CLPSL2: variants seen among roughly 807,000 people sequenced by gnomAD.
The protein encoded by CLPSL2 is colipase-like protein 2.
A neutral mutation model predicts 7.9 loss-of-function variants in CLPSL2; 4 were observed. The observed-to-expected ratio is 0.50, with a 90% CI of 0.25 to 1.15. CLPSL2 has a LOEUF of 1.15. CLPSL2 is among the 50% of genes most tolerant of loss of function. The pLI is 0.15. For missense variants in CLPSL2, 132 were observed against 136.6 expected, an observed-to-expected ratio of 0.97 and a Z score of 0.17; for synonymous variants, 67 against 53.1, an observed-to-expected ratio of 1.26 and a Z score of -1.14.
intron 2 of CLPSL2, among the ~76,000 whole-genome samples, chr6:35,778,546 T>C (rs1010740751): frequency 1.3e-5 from 2 of 152,200 alleles, no homozygotes; most frequent in African/African-American, 2.4e-5. Flanking sequence ...CACCAGGCTG[T>C]TGGGAAGATT....
intron 1 of CLPSL2, among the ~76,000 whole-genome samples, chr6:35,777,115 C>T (rs1339760635): frequency 5.3e-5 from 8 of 152,170 alleles, no homozygotes; most frequent in South Asian, 2.1e-4. Flanking sequence ...TCTTTCTCTC[C>T]CTCTTTTTCG....
chr6:35,778,990 T>C (rs1767905040), intron 2 of CLPSL2, among the ~76,000 whole-genome samples: 1 of 152,046 alleles, frequency 6.6e-6, no homozygotes. Context: ...CAGGCTAGTC[T>C]CAAACTCCTG....
At position 35,777,311 on chromosome 6, in the gene CLPSL2, G is replaced by GC. The variant is rs551536109; in HGVS notation, c.85-148_85-147insC. ...CTGCTGAGGGGCCGGGGTGGGGCTG[G>GC]GGGGGGAACCAGCCCCCCAAGGGGT... On this transcript the variant is annotated intron_variant, in intron 1 of 2. Transcript: ENST00000403376. 3.8e-5 allele frequency: 31 copies of GC among 807,676 alleles called. No individual in the cohort carries two copies. In the East Asian group the frequency reaches 5.5e-4, roughly 14 times the overall value. 50.0% of individuals were successfully genotyped at this position (807,676 alleles called of 1,614,324 possible). A position where few individuals can be genotyped will look rare whatever the true frequency, so the allele number is the denominator to read the frequency against.
chr6:35,777,757 G>C, intron 2 of CLPSL2, 176 bp downstream of exon 2: 1 of 764,172 alleles, frequency 1.3e-6, no homozygotes, highest in Non-Finnish European at 2.3e-6. Flanking sequence ...CTCTGAGAAG[G>C]CTTCCCTCCT....
At position 35,776,717 on chromosome 6, in the gene CLPSL2, G is replaced by T; in HGVS notation, c.84+15G>T. 7.3e-7 allele frequency: 1 copy of T among 1,372,268 alleles called. No individual in the cohort carries two copies. The highest frequency in any genetic ancestry group is 9.4e-7 in the Non-Finnish European group (1 of 1,067,396). The allele number at this position is 1,372,268 out of a possible 1,614,324, so 85.0% of individuals were successfully genotyped here. A position where few individuals can be genotyped will look rare whatever the true frequency, so the allele number is the denominator to read the frequency against. On this transcript the variant is annotated intron_variant, in intron 1 of 2. Transcript: ENST00000403376. Reference sequence around the variant, plus strand: ...AATATAAAAAGGTGAGCCGGGGAGCGCGCCCAGCCGGCCGCGACCGCAGGA... The same window carrying T: ...AATATAAAAAGGTGAGCCGGGGAGCTCGCCCAGCCGGCCGCGACCGCAGGA...
chr6:35,777,935 T>A, intron 2 of CLPSL2: 1 of 716,812 alleles, frequency 1.4e-6, no homozygotes, highest in Non-Finnish European at 2.6e-6. Context: ...ACATAGTAGG[T>A]GCTCAATAAA....
At chr6:35,778,157 T>C (rs899801163) in intron 2 of CLPSL2, among the ~76,000 whole-genome samples, 5 of 152,180 alleles carry the variant, frequency 3.3e-5, no homozygotes, top group African/African-American at 1.2e-4. Context: ...GGTTTTGCCA[T>C]GTTGGCCAAG....
chr6:35,779,321 G>C, intron 2 of CLPSL2, 34 bp from the exon 3 acceptor site: 1 of 1,513,796 alleles, frequency 6.6e-7, no homozygotes, highest in Non-Finnish European at 9.0e-7. Context: ...CCTGCATCCT[G>C]GTGACTCCCG....
chr6:35,776,628 G>C lies in CLPSL2; in HGVS notation c.10G>C (p.Ala4Pro). ...TCTGCCGCCCAGGCCCATGGCCGCA[G>C]CCCTGGCGCTCGTGGCGGGGGTCCT... Reference protein sequence around the residue: MAAALALVAGVLSG... With the variant: MAAPLALVAGVLSG... Residue 4 changes from alanine (A) to proline (P), a missense_variant, in exon 1 of 3, where the codon GCC becomes CCC. Transcript: ENST00000403376. 1 of 1,499,640 alleles carries C rather than the reference G, an allele frequency of 6.7e-7. No individual in the cohort carries two copies. The highest frequency in any genetic ancestry group is 1.4e-5 in the African/African-American group (1 of 69,112). The allele number at this position is 1,499,640 out of a possible 1,614,324, so 92.9% of individuals were successfully genotyped here.
intron 2 of CLPSL2, chr6:35,777,787 G>C (rs1767874386): frequency 1.4e-6 from 1 of 722,134 alleles, no homozygotes; most frequent in African/African-American, 1.7e-5. Flanking sequence ...TGTACCCTGG[G>C]GTCAGACCCT....
intron 1 of CLPSL2, 29 bp downstream of exon 1, chr6:35,776,731 G>A: frequency 7.3e-7 from 1 of 1,361,060 alleles, no homozygotes. Flanking sequence ...CCAGCCGGCC[G>A]CGACCGCAGG....
At chr6:35,776,859 C>T in intron 1 of CLPSL2, 157 bp downstream of exon 1, 1 of 578,912 alleles carries the variant, frequency 1.7e-6, no homozygotes, top group Non-Finnish European at 2.7e-6. Context: ...AGACGGACTT[C>T]AAAAGCCGCT....
chr6:35,778,395 T>TGGCA (rs1247480975), intron 2 of CLPSL2, among the ~76,000 whole-genome samples: 4 of 152,232 alleles, frequency 2.6e-5, no homozygotes, highest in African/African-American at 9.6e-5. Context: ...GGCACTGCAG[T>TGGCA]GGCAGGACCA....
intron 2 of CLPSL2, chr6:35,778,007 G>A (rs971159968): frequency 5.9e-6 from 4 of 677,550 alleles, no homozygotes; most frequent in African/African-American, 3.5e-5. Context: ...CCAGGCTAGA[G>A]TGCAATGGCA....
chr6:35,779,126 C>T (rs944548827), intron 2 of CLPSL2, among the ~76,000 whole-genome samples: 6 of 152,154 alleles, frequency 3.9e-5, no homozygotes, highest in Non-Finnish European at 5.9e-5. Context: ...TTAGTCCTCA[C>T]AACAACCCTA....
chr6:35,776,764 G>A (rs1443415079), intron 1 of CLPSL2, 62 bp downstream of exon 1: 2 of 1,313,898 alleles, frequency 1.5e-6, no homozygotes, highest in African/African-American at 1.5e-5. Flanking sequence ...CGCCGCCGGG[G>A]CACTGGAGCC....
intron 2 of CLPSL2, 108 bp downstream of exon 2, chr6:35,777,689 T>G (rs1767872382): frequency 8.6e-6 from 11 of 1,286,186 alleles, no homozygotes; most frequent in Non-Finnish European, 1.2e-5. Context: ...TGGAGTGCCC[T>G]TCTTCTTCTC....
rs1387559563 is a variant in CLPSL2 at position 35,779,375 on chromosome 6, C to T, written c.228C>T (p.Ile76=). The change falls in exon 3 of 3, where the codon ATC becomes ATT. Residue 76 remains isoleucine (I), a synonymous_variant. Transcript: ENST00000403376. ...TGCAGACCAAGGGAGCTACCAACATCATCTGCCCTTGCCGGATGGGCTTGA... is the reference window on the plus strand; with the variant it reads ...TGCAGACCAAGGGAGCTACCAACATTATCTGCCCTTGCCGGATGGGCTTGA... ...CLPQTKGATN[I]ICPCRMGLTC... 2 of 1,579,034 alleles carry T rather than the reference C, an allele frequency of 1.3e-6. No homozygotes were observed. The highest frequency in any genetic ancestry group is 1.3e-5 in the African/African-American group (1 of 74,390).
At chr6:35,777,036 C>T (rs1767850760) in intron 1 of CLPSL2, among the ~76,000 whole-genome samples, 1 of 152,110 alleles carries the variant, frequency 6.6e-6, no homozygotes, top group Non-Finnish European at 1.5e-5. Context: ...CTGGTTTCTC[C>T]TCCTCTTCTT....
Sources: allele counts gnomAD v4.1 joint callset (sites outside exome capture counted in the v4.1 genomes callset), GRCh38; gene constraint gnomAD v4.1.1; transcripts MANE v1.5; gene names NCBI Gene and HGNC (gene_info 2026-07-23, HGNC 2026-07-21).